KIAA1671: variants seen among roughly 807,000 people sequenced by gnomAD.
The protein encoded by KIAA1671 is uncharacterized protein KIAA1671.
A neutral mutation model predicts 131.2 loss-of-function variants in KIAA1671; 52 were observed. The observed-to-expected ratio is 0.40, with a 90% CI of 0.32 to 0.50. KIAA1671 has a LOEUF of 0.50. KIAA1671 is among the 20% of genes least tolerant of loss of function. The pLI is 0.73. For missense variants in KIAA1671, 2,360 were observed against 2,364.2 expected (o/e 1.00, Z 0.04); for synonymous variants, 1,003 against 961.6 (o/e 1.04, Z -0.80).
chr22:24,985,051 C>T (rs1223547736), intron 1 of KIAA1671, among the ~76,000 whole-genome samples: 1 of 151,896 alleles, frequency 6.6e-6, no homozygotes, highest in Non-Finnish European at 1.5e-5. Flanking sequence ...TCCAACTGTT[C>T]CAGAAGCACG....
At chr22:24,999,020 A>AGAT (rs1924293172) in intron 1 of KIAA1671, among the ~76,000 whole-genome samples, 1 of 152,154 alleles carries the variant, frequency 6.6e-6, no homozygotes, top group African/African-American at 2.4e-5. Context: ...TCCACTGAGT[A>AGAT]GATACCTAGG....
intron 6 of KIAA1671, among the ~76,000 whole-genome samples, chr22:25,105,490 C>A (rs1386159603): frequency 6.6e-6 from 1 of 152,060 alleles, no homozygotes; most frequent in African/African-American, 2.4e-5. Flanking sequence ...TTTTTTGATG[C>A]CCAAAACATC....
intron 1 of KIAA1671, among the ~76,000 whole-genome samples, chr22:24,994,585 G>T (rs1431880775): frequency 6.6e-6 from 1 of 152,128 alleles, no homozygotes; most frequent in African/African-American, 2.4e-5. Context: ...GGTGCCTGGG[G>T]TGGCACACCT....
intron 1 of KIAA1671, among the ~76,000 whole-genome samples, chr22:24,996,639 C>CA (rs1322258695): frequency 6.6e-6 from 1 of 152,092 alleles, no homozygotes; most frequent in Non-Finnish European, 1.5e-5. Flanking sequence ...CATTTGGCCT[C>CA]AGTCTGATCC....
intron 1 of KIAA1671, among the ~76,000 whole-genome samples, chr22:24,987,072 AT>A (rs1355476157): frequency 1.3e-5 from 2 of 151,968 alleles, no homozygotes; most frequent in Non-Finnish European, 2.9e-5. Context: ...ATCACAACTT[AT>A]GTATAGACAC....
chr22:25,041,490 T>C lies in KIAA1671; in HGVS notation c.4360T>C (p.Cys1454Arg), dbSNP rs1926921213. The change falls in exon 5 of 13, where the codon TGT becomes CGT. Residue 1454 changes from cysteine (C) to arginine (R), a missense_variant. Transcript: ENST00000358431. ...GAATTTGGAGGCCAAAATGGGACCC[T>C]GTTGGTGGGAGTCAGGGACTGGAGA... ...GENLEAKMGP[C>R]WWESGTGDSH... is the part of the protein sequence containing the mutation. The C allele has an allele frequency of 6.5e-7, 1 of 1,550,296 alleles. No homozygotes were observed. The highest frequency in any genetic ancestry group is 8.7e-7 in the Non-Finnish European group (1 of 1,146,578).
chr22:25,024,642 G>A (rs913554637), intron 1 of KIAA1671: 18 of 152,192 alleles, frequency 1.2e-4, no homozygotes, highest in African/African-American at 4.3e-4. Flanking sequence ...GACTTATTTA[G>A]CATCTTAGAG....
chr22:25,115,560 A>T (rs1259681264), intron 6 of KIAA1671, among the ~76,000 whole-genome samples: 1 of 152,138 alleles, frequency 6.6e-6, no homozygotes, highest in Non-Finnish European at 1.5e-5. Context: ...GGAGGTGCTG[A>T]ATAAATGTTC....
chr22:25,091,425 T>C (rs1930024467), intron 6 of KIAA1671, among the ~76,000 whole-genome samples: 1 of 152,110 alleles, frequency 6.6e-6, no homozygotes, highest in African/African-American at 2.4e-5. Flanking sequence ...TGAAGATGAT[T>C]TTGTTCTACC....
At chr22:25,073,957 G>A (rs1928963155) in intron 6 of KIAA1671, among the ~76,000 whole-genome samples, 2 of 152,190 alleles carry the variant, frequency 1.3e-5, no homozygotes, top group African/African-American at 4.8e-5. Flanking sequence ...GCCTCCCAAA[G>A]TGCTGGGATT....
chr22:24,962,104 A>G (rs999212097), intron 1 of KIAA1671, among the ~76,000 whole-genome samples: 22 of 152,314 alleles, frequency 1.4e-4, no homozygotes, highest in Non-Finnish European at 2.4e-4. Flanking sequence ...GATTGTCTTG[A>G]TGATGATTTT....
chr22:25,059,789 C>A (rs1413621211), intron 6 of KIAA1671: 1 of 152,162 alleles, frequency 6.6e-6, no homozygotes, highest in Non-Finnish European at 1.5e-5. Flanking sequence ...CATGTAGTTC[C>A]TGGGAGGGGA....
At chr22:25,135,326 C>T (rs1182068784) in intron 6 of KIAA1671, among the ~76,000 whole-genome samples, 1 of 152,202 alleles carries the variant, frequency 6.6e-6, no homozygotes, top group African/African-American at 2.4e-5. Context: ...GCTGGGACTA[C>T]AGGCGCCCGC....
At chr22:25,047,725 G>A (rs1052625492) in intron 5 of KIAA1671, among the ~76,000 whole-genome samples, 13 of 152,182 alleles carry the variant, frequency 8.5e-5, no homozygotes, top group Admixed American at 2.0e-4. Flanking sequence ...CACCTGCGTC[G>A]GCCTCCCGAA....
chr22:25,005,374 A>T (rs980219386), intron 1 of KIAA1671, among the ~76,000 whole-genome samples: 1 of 151,604 alleles, frequency 6.6e-6, no homozygotes, highest in Non-Finnish European at 1.5e-5. Context: ...AGAAAAAAAG[A>T]AATTGAAAGG....
At chr22:24,967,909 C>T (rs1318929678) in intron 1 of KIAA1671, among the ~76,000 whole-genome samples, 1 of 152,078 alleles carries the variant, frequency 6.6e-6, no homozygotes, top group South Asian at 2.1e-4. Context: ...AGGAGAATGG[C>T]GTGAACCCAG....
At chr22:25,169,505 T>C (rs1024804969) in intron 6 of KIAA1671, among the ~76,000 whole-genome samples, 1 of 151,320 alleles carries the variant, frequency 6.6e-6, no homozygotes, top group Non-Finnish European at 1.5e-5. Context: ...GTCATCAGTG[T>C]GCCAACGGCC....
At chr22:25,035,585 C>G (rs1418973958) in intron 4 of KIAA1671, among the ~76,000 whole-genome samples, 1 of 152,256 alleles carries the variant, frequency 6.6e-6, no homozygotes, top group East Asian at 1.9e-4. Flanking sequence ...TTTATTGTTG[C>G]ATTTTCTGAA....
At chr22:25,140,170 A>G (rs1278923104) in intron 6 of KIAA1671, among the ~76,000 whole-genome samples, 1 of 152,090 alleles carries the variant, frequency 6.6e-6, no homozygotes, top group Non-Finnish European at 1.5e-5. Flanking sequence ...TCTGCTTCCA[A>G]CCTCACTTGG....
Sources: gnomAD v4.1 joint callset for allele counts (sites outside exome capture counted in the v4.1 genomes callset) on GRCh38, gnomAD v4.1.1 for gene constraint, MANE v1.5 for transcripts, NCBI Gene and HGNC (gene_info 2026-07-23, HGNC 2026-07-21) for gene names.